The following ATOSA variants were observed in gnomAD, a reference collection of about 807,000 sequenced individuals.
ATOSA encodes the protein atos homolog protein A.
the ATOSA span, among the ~76,000 whole-genome samples, chr15:52,647,952 T>A: frequency 6.6e-6 from 1 of 152,124 alleles, no homozygotes; most frequent in African/African-American, 2.4e-5. Flanking sequence ...TCTGCCCCAA[T>A]CCCCATATCT....
At chr15:52,631,953 T>C in the ATOSA span, among the ~76,000 whole-genome samples, 1 of 152,094 alleles carries the variant, frequency 6.6e-6, no homozygotes. Context: ...GTTACCCAAG[T>C]TGGTCTCAAA....
the ATOSA span, among the ~76,000 whole-genome samples, chr15:52,594,834 A>G: frequency 2.0e-5 from 3 of 152,176 alleles, no homozygotes; most frequent in East Asian, 5.8e-4. Flanking sequence ...TACTACTGCC[A>G]GAGTTCTTTT....
the ATOSA span, among the ~76,000 whole-genome samples, chr15:52,680,073 T>G: frequency 6.7e-6 from 1 of 149,704 alleles, no homozygotes; most frequent in African/African-American, 2.4e-5. Context: ...ATAATCTTCA[T>G]AACTTCTAAA....
chr15:52,667,942 A>T, the ATOSA span, among the ~76,000 whole-genome samples: 3 of 152,238 alleles, frequency 2.0e-5, no homozygotes, highest in Non-Finnish European at 4.4e-5. Flanking sequence ...GAGAAAAGGG[A>T]ACAGTTACAC....
At chr15:52,591,043 A>G in the ATOSA span, among the ~76,000 whole-genome samples, 1 of 152,344 alleles carries the variant, frequency 6.6e-6, no homozygotes, top group East Asian at 1.9e-4. Context: ...TTTTTGAGAT[A>G]TCAACTAAGG....
the ATOSA span, among the ~76,000 whole-genome samples, chr15:52,670,179 T>TCCATTGATCTTTCATGC: frequency 6.6e-6 from 1 of 152,240 alleles, no homozygotes; most frequent in African/African-American, 2.4e-5. Flanking sequence ...GACATAAGTG[T>TCCATTGATCTTTCATGC]CCATTGATCT....
the ATOSA span, among the ~76,000 whole-genome samples, chr15:52,663,088 C>G: frequency 6.6e-6 from 1 of 152,290 alleles, no homozygotes; most frequent in African/African-American, 2.4e-5. Context: ...CCAAAGCAAC[C>G]CTTCCCATTC....
At chr15:52,704,376 A>C in the ATOSA span, among the ~76,000 whole-genome samples, 1 of 152,346 alleles carries the variant, frequency 6.6e-6, no homozygotes, top group East Asian at 1.9e-4. Context: ...TAAAGACTTA[A>C]ATGTAAGACC....
the ATOSA span, among the ~76,000 whole-genome samples, chr15:52,681,259 C>A: frequency 4.6e-5 from 7 of 152,140 alleles, no homozygotes; most frequent in Non-Finnish European, 1.5e-5. Context: ...GTATTTCTGA[C>A]TCATTATTCA....
At chr15:52,652,098 G>A in the ATOSA span, 1 of 1,415,470 alleles carries the variant, frequency 7.1e-7, no homozygotes, top group Non-Finnish European at 9.2e-7. Flanking sequence ...ACTCACAGCT[G>A]ATTGGACAGA....
At chr15:52,659,914 G>T in the ATOSA span, among the ~76,000 whole-genome samples, 18 of 152,230 alleles carry the variant, frequency 1.2e-4, no homozygotes, top group Non-Finnish European at 2.4e-4. Flanking sequence ...CACACTTAGA[G>T]TGAAAGGAGA....
the ATOSA span, chr15:52,678,505 T>TG: frequency 6.2e-6 from 1 of 160,186 alleles, no homozygotes; most frequent in Non-Finnish European, 1.4e-5. Context: ...ACCTGGTGCC[T>TG]GGGCGCAGCC....
At chr15:52,618,942 G>A in the ATOSA span, among the ~76,000 whole-genome samples, 2,667 of 152,214 alleles carry the variant, frequency 0.018, 81 homozygotes, top group African/African-American at 0.061. Flanking sequence ...AACCATGACT[G>A]GAGTTTGCAA....
At chr15:52,587,435 T>C in the ATOSA span, 1 of 416,198 alleles carries the variant, frequency 2.4e-6, no homozygotes, top group South Asian at 3.7e-5. Flanking sequence ...ATATATAACA[T>C]CAATGGCCAC....
At chr15:52,661,075 C>G in the ATOSA span, among the ~76,000 whole-genome samples, 8 of 152,130 alleles carry the variant, frequency 5.3e-5, no homozygotes, top group Middle Eastern at 3.2e-3. Context: ...AAAAATTGTC[C>G]TCTATATTTC....
the ATOSA span, among the ~76,000 whole-genome samples, chr15:52,619,829 A>G: frequency 1.0e-5 from 1 of 98,786 alleles, no homozygotes; most frequent in Non-Finnish European, 2.7e-5. Flanking sequence ...ACTGTCTTAA[A>G]AAAAAAAGAA....
chr15:52,639,358 C>T, the ATOSA span, among the ~76,000 whole-genome samples: 1 of 152,210 alleles, frequency 6.6e-6, no homozygotes. Flanking sequence ...AACCTTGTTT[C>T]TCATATAACC....
the ATOSA span, among the ~76,000 whole-genome samples, chr15:52,673,633 T>A: frequency 1.6e-4 from 24 of 152,358 alleles, 1 homozygote; most frequent in South Asian, 4.8e-3. Context: ...CACCTCTACC[T>A]GGGAATTTAG....
At chr15:52,598,304 G>T in the ATOSA span, among the ~76,000 whole-genome samples, 1 of 152,200 alleles carries the variant, frequency 6.6e-6, no homozygotes, top group Non-Finnish European at 1.5e-5. Context: ...TGGGCCGCAG[G>T]CTGGACAAGC....
Sources: gnomAD v4.1 joint callset for allele counts (sites outside exome capture counted in the v4.1 genomes callset) on GRCh38, gnomAD v4.1.1 for gene constraint, MANE v1.5 for transcripts, NCBI Gene and HGNC (gene_info 2026-07-23, HGNC 2026-07-21) for gene names.